APP: variants seen among roughly 807,000 people sequenced by gnomAD.
APP encodes amyloid beta precursor protein.
APP carries 31 observed loss-of-function variants against 101.4 expected under a neutral mutation model. The ratio of observed to expected loss-of-function variants is 0.31; its 90% CI spans 0.23 to 0.41. APP has a LOEUF of 0.41. Ranked by LOEUF, APP falls within the 10% of genes least tolerant of loss-of-function variation. The probability of loss-of-function intolerance (pLI) is 1.00; values close to 1 mark genes in which losing one functional copy is unlikely to be tolerated. For missense variants in APP, 839 were observed against 1,003.7 expected (o/e 0.84, Z 2.22); for synonymous variants, 366 against 364.4 (o/e 1.00, Z -0.05).
intron 13 of APP, among the ~76,000 whole-genome samples, chr21:25,930,223 G>A (rs143109474): frequency 2.4e-3 from 364 of 152,234 alleles, no homozygotes; most frequent in African/African-American, 8.4e-3. Flanking sequence ...CCCTAAAGCC[G>A]TGTCCTGTGT....
chr21:26,042,044 T>C (rs2045394748), intron 5 of APP, among the ~76,000 whole-genome samples: 1 of 152,194 alleles, frequency 6.6e-6, no homozygotes, highest in Non-Finnish European at 1.5e-5. Context: ...AAATCCACTC[T>C]TACTTGACTC....
chr21:26,049,072 A>G lies in APP; in HGVS notation c.662+1928T>C, dbSNP rs114444727. On this transcript the variant is annotated intron_variant, in intron 5 of 17. Transcript: ENST00000346798. ...TTGGACTTTTCTACAGGTAGAATAA[A>G]CCATCAAATATTTCCTACCAACTGT... is the stretch of plus-strand genomic sequence containing the variant. 4.3e-3 allele frequency among the ~76,000 whole-genome samples: 659 copies of G among 152,260 alleles called. 7 individuals are homozygous for G. Among genetic ancestry groups the G allele is most frequent in the Middle Eastern group, 0.017 (5 of 294 alleles).
rs1446899870 is a variant in APP, at chr21:25,918,505, C to T, written c.1688-6543G>A. ...TCACTAGGGAGTGCCAGACAGTGGG[C>T]GCAGGCCAGTGGGTGCGTGCACCGT... On this transcript the variant is annotated intron_variant, in intron 13 of 17. Coordinates refer to ENST00000346798, the MANE Select transcript of APP (RefSeq NM_000484.4). 3.6e-4 allele frequency among the ~76,000 whole-genome samples: 54 copies of T among 151,996 alleles called. 1 individual carries two copies. Among genetic ancestry groups the T allele is most frequent in the South Asian group, 1.7e-3 (8 of 4,820 alleles).
chr21:26,067,610 T>C (rs2146022645), intron 3 of APP, among the ~76,000 whole-genome samples: 1 of 152,310 alleles, frequency 6.6e-6, no homozygotes, highest in Admixed American at 6.5e-5. Flanking sequence ...ATCACTAGGA[T>C]TCTATGTTAC....
chr21:26,130,920 T>C (rs1372233950), intron 1 of APP, among the ~76,000 whole-genome samples: 1 of 152,202 alleles, frequency 6.6e-6, no homozygotes, highest in Non-Finnish European at 1.5e-5. Context: ...ACTATGCCTA[T>C]TACTGGGTAA....
intron 17 of APP, among the ~76,000 whole-genome samples, 178 bp downstream of exon 17, chr21:25,891,544 C>T (rs878999980): frequency 5.9e-5 from 9 of 152,126 alleles, no homozygotes; most frequent in Admixed American, 3.9e-4. Flanking sequence ...AGAATATTCA[C>T]GGTAAGTTGC....
At chr21:25,943,181 G>GT (rs1415797153) in intron 13 of APP, 1 of 152,496 alleles carries the variant, frequency 6.6e-6, no homozygotes, top group Non-Finnish European at 1.5e-5. Context: ...TTGAGATGGA[G>GT]TTTCGCTCTT....
intron 2 of APP, among the ~76,000 whole-genome samples, chr21:26,110,456 A>G (rs2146201068): frequency 6.6e-6 from 1 of 152,218 alleles, no homozygotes; most frequent in East Asian, 1.9e-4. Context: ...AAAAAAAAAC[A>G]AAACAAAACA....
chr21:26,087,068 T>C (rs957707934), intron 3 of APP, among the ~76,000 whole-genome samples: 2 of 152,180 alleles, frequency 1.3e-5, no homozygotes, highest in Non-Finnish European at 2.9e-5. Flanking sequence ...GTTACACCTA[T>C]TGGAAAACCT....
chr21:26,133,556 C>T (rs745783137), intron 1 of APP, among the ~76,000 whole-genome samples: 2 of 151,896 alleles, frequency 1.3e-5, no homozygotes, highest in Non-Finnish European at 2.9e-5. Flanking sequence ...GAGGCCGAGG[C>T]GGGTGGGATC....
intron 3 of APP, among the ~76,000 whole-genome samples, chr21:26,082,643 T>C (rs1158603476): frequency 6.6e-6 from 1 of 152,230 alleles, no homozygotes; most frequent in Non-Finnish European, 1.5e-5. Context: ...TCTGTCTGAA[T>C]ACCTAAAATA....
chr21:25,887,600 A>G (rs1267892713), intron 17 of APP, among the ~76,000 whole-genome samples: 1 of 151,628 alleles, frequency 6.6e-6, no homozygotes, highest in Admixed American at 6.6e-5. Flanking sequence ...AAATACAGTT[A>G]TGGGCCACAT....
At chr21:26,022,076 A>C (rs201875633) in intron 5 of APP, 34 bp from the exon 6 acceptor site, 1 of 1,607,530 alleles carries the variant, frequency 6.2e-7, no homozygotes, top group East Asian at 2.2e-5. Flanking sequence ...AGAAAAAGTC[A>C]ATTAAACACA....
At chr21:26,040,034 T>C (rs1422835717) in intron 5 of APP, among the ~76,000 whole-genome samples, 1 of 152,184 alleles carries the variant, frequency 6.6e-6, no homozygotes, top group Non-Finnish European at 1.5e-5. Flanking sequence ...ATATAAGATA[T>C]GTTGGAGATG....
At chr21:26,099,171 A>G (rs1296545827) in intron 2 of APP, among the ~76,000 whole-genome samples, 2 of 152,116 alleles carry the variant, frequency 1.3e-5, no homozygotes, top group Admixed American at 6.5e-5. Context: ...GAAAAAGGAA[A>G]AAAAAAAAAA....
At chr21:25,996,180 A>G (rs1365739268) in intron 8 of APP, among the ~76,000 whole-genome samples, 8 of 152,220 alleles carry the variant, frequency 5.3e-5, no homozygotes, top group African/African-American at 1.9e-4. Flanking sequence ...AACATAAGAC[A>G]CTGTAAGTAA....
At chr21:25,952,191 T>TACATACACAC (rs1555901899) in intron 13 of APP, among the ~76,000 whole-genome samples, 2 of 139,898 alleles carry the variant, frequency 1.4e-5, no homozygotes, top group African/African-American at 5.4e-5. Context: ...ATTACATACA[T>TACATACACAC]ACACACACAC....
intron 1 of APP, among the ~76,000 whole-genome samples, chr21:26,128,356 A>T (rs756169193): frequency 6.6e-6 from 1 of 152,236 alleles, no homozygotes; most frequent in Non-Finnish European, 1.5e-5. Context: ...CTATCCGTGA[A>T]TCACAATGAT....
At chr21:25,968,904 A>C (rs956282257) in intron 11 of APP, among the ~76,000 whole-genome samples, 1 of 152,154 alleles carries the variant, frequency 6.6e-6, no homozygotes, top group Non-Finnish European at 1.5e-5. Context: ...CCATTTACTG[A>C]ATACAGTTGT....
Sources: allele counts gnomAD v4.1 joint callset (sites outside exome capture counted in the v4.1 genomes callset), GRCh38; gene constraint gnomAD v4.1.1; transcripts MANE v1.5; gene names NCBI Gene and HGNC (gene_info 2026-07-23, HGNC 2026-07-21).